The following ZNF480 variants were observed in gnomAD, a reference collection of about 807,000 sequenced individuals.
ZNF480 encodes the protein zinc finger protein 480.
In ZNF480, 15 loss-of-function variants were observed where a neutral mutation model predicts 14.4. The ratio of observed to expected loss-of-function variants is 1.04; its 90% confidence interval spans 0.70 to 1.60. ZNF480 has a LOEUF of 1.60. ZNF480 is among the 40% of genes most tolerant of loss of function. The probability of loss-of-function intolerance (pLI) is 0.00; values close to 1 mark genes in which losing one functional copy is unlikely to be tolerated. For synonymous variants in ZNF480, 218 were observed against 215.5 expected (o/e 1.01, Z -0.10); for missense variants, 593 against 629.7 (o/e 0.94, Z 0.62).
chr19:52,314,234 T>C lies in ZNF480; in HGVS notation c.154T>C (p.Tyr52His), dbSNP rs1983435600. Residue 52 changes from tyrosine to histidine, a missense_variant, in exon 3 of 5, where the codon TAC becomes CAC. Transcript: ENST00000595962. Reference sequence around the variant, plus strand: ...CCTGGACCCTGCACAGAGGGCTTTATACAAGGATGTGATGTTGGAGAACTA... The same window carrying C: ...CCTGGACCCTGCACAGAGGGCTTTACACAAGGATGTGATGTTGGAGAACTA... ...KCLDPAQRAL[Y>H]KDVMLENYRN... is the part of the protein sequence containing the mutation. 15 of 1,581,502 alleles carry C rather than the reference T, an allele frequency of 9.5e-6. No individual in the cohort carries two copies. Among genetic ancestry groups the C allele is most frequent in the Non-Finnish European group, 1.3e-5 (15 of 1,159,454 alleles).
In ZNF480 at chr19:52,322,880, C is replaced by T. The variant is rs755099693; in HGVS notation, c.*22C>T. 2.1e-5 allele frequency: 32 copies of T among 1,533,364 alleles called. No individual in the cohort carries two copies. The highest frequency in any genetic ancestry group is 1.8e-4 in the Admixed American group (9 of 49,948). 95.0% of individuals were successfully genotyped at this position (1,533,364 alleles called of 1,614,324 possible). On this transcript the variant is annotated 3_prime_UTR_variant, in exon 5 of 5. Coordinates refer to ENST00000595962, the MANE Select transcript of ZNF480 (RefSeq NM_144684.4). ...ATAGAAACTACAAATGCAACAAATG[C>T]GTCAAAGAATTTAGTGTGCACTCAA...
At chr19:52,299,533 A>G (rs1982583175) in intron 1 of ZNF480, among the ~76,000 whole-genome samples, 1 of 152,112 alleles carries the variant, frequency 6.6e-6, no homozygotes, top group African/African-American at 2.4e-5. Flanking sequence ...AGATTTTATT[A>G]ATTTGTTAGC....
chr19:52,316,084 T>C, intron 4 of ZNF480, 122 bp downstream of exon 4: 42 of 933,932 alleles, frequency 4.5e-5, no homozygotes, highest in Non-Finnish European at 5.4e-5. Context: ...TGAGATGGAG[T>C]TTCACTGTCA....
Position 52,322,783 on chromosome 19 carries a change from C to T in ZNF480, c.1533C>T (p.Tyr511=). 1 of 1,613,036 alleles carries T rather than the reference C, an allele frequency of 6.2e-7. No homozygotes were observed. Among genetic ancestry groups the T allele is most frequent in the South Asian group, 1.1e-5 (1 of 91,014 alleles). The part of the protein sequence containing the change: ...HRKIHTGEKP[Y]KCNECGKAFS... ...AAATTCATACTGGAGAGAAACCTTACAAATGTAATGAGTGTGGCAAGGCCT... is the reference window on the plus strand; with the variant it reads ...AAATTCATACTGGAGAGAAACCTTATAAATGTAATGAGTGTGGCAAGGCCT... Residue 511 remains tyrosine, a synonymous_variant, in exon 5 of 5, where the codon TAC becomes TAT. Transcript: ENST00000595962.
chr19:52,319,344 C>A (rs778974723), intron 4 of ZNF480, among the ~76,000 whole-genome samples: 9 of 152,120 alleles, frequency 5.9e-5, no homozygotes, highest in Non-Finnish European at 8.8e-5. Flanking sequence ...TTTATTTTTG[C>A]AGGTGACTTT....
At chr19:52,313,327 G>A (rs924529885) in intron 2 of ZNF480, among the ~76,000 whole-genome samples, 11 of 150,952 alleles carry the variant, frequency 7.3e-5, no homozygotes, top group Admixed American at 6.0e-4. Context: ...AATTAGAGAC[G>A]GGGTTTCACC....
At chr19:52,310,440 T>C (rs1351961244) in intron 2 of ZNF480, among the ~76,000 whole-genome samples, 1 of 152,126 alleles carries the variant, frequency 6.6e-6, no homozygotes, top group Admixed American at 6.6e-5. Flanking sequence ...TATACATTTT[T>C]AAATCCAGCT....
intron 2 of ZNF480, among the ~76,000 whole-genome samples, chr19:52,309,358 G>A (rs1442306441): frequency 6.6e-6 from 1 of 152,164 alleles, no homozygotes; most frequent in Non-Finnish European, 1.5e-5. Context: ...CTGCTGAGGA[G>A]TGTCCCTTTC....
At chr19:52,320,914 G>A (rs563300418) in intron 4 of ZNF480, among the ~76,000 whole-genome samples, 16 of 152,132 alleles carry the variant, frequency 1.1e-4, no homozygotes, top group Non-Finnish European at 2.4e-4. Flanking sequence ...GGAAGTAGAT[G>A]CTGCAGTGAG....
chr19:52,316,635 G>C (rs2122552070), intron 4 of ZNF480, among the ~76,000 whole-genome samples: 2 of 152,128 alleles, frequency 1.3e-5, no homozygotes, highest in South Asian at 4.2e-4. Context: ...TTACCGGCAT[G>C]AGCCATGATG....
At chr19:52,313,019 C>T (rs1983363398) in intron 2 of ZNF480, among the ~76,000 whole-genome samples, 1 of 152,044 alleles carries the variant, frequency 6.6e-6, no homozygotes. Flanking sequence ...TGGGGTTTCA[C>T]CATGTTGGCC....
At chr19:52,319,961 G>T (rs183240730) in intron 4 of ZNF480, among the ~76,000 whole-genome samples, 86 of 151,992 alleles carry the variant, frequency 5.7e-4, no homozygotes, top group Middle Eastern at 3.4e-3. Flanking sequence ...GGGATTACAG[G>T]TGCATGCCCC....
intron 4 of ZNF480, among the ~76,000 whole-genome samples, chr19:52,320,362 T>A (rs548086693): frequency 6.6e-6 from 1 of 152,300 alleles, no homozygotes; most frequent in East Asian, 1.9e-4. Flanking sequence ...GCTTTAAATA[T>A]TTGTCAAGGG....
chr19:52,321,611 G>A lies in ZNF480; in HGVS notation c.361G>A (p.Asp121Asn), dbSNP rs1983812918. 6.2e-7 allele frequency: 1 copy of A among 1,607,306 alleles called. No homozygotes were observed. Among genetic ancestry groups the A allele is most frequent in the Non-Finnish European group, 8.5e-7 (1 of 1,175,960 alleles). Residue 121 changes from aspartate to asparagine, a missense_variant, in exon 5 of 5, where the codon GAC becomes AAC. Transcript: ENST00000595962. ...CTATGCATTGGGAAGCAATGCAGAA[G>A]ACAAACCAATTAAAAAACAACTTGG... Reference protein sequence around the residue: ...SSYALGSNAEDKPIKKQLGVS... With the variant: ...SSYALGSNAENKPIKKQLGVS...
chr19:52,322,596 A>G lies in ZNF480; in HGVS notation c.1346A>G (p.His449Arg). 1 of 1,614,132 alleles carries G rather than the reference A, an allele frequency of 6.2e-7. No individual in the cohort carries two copies. Among genetic ancestry groups the G allele is most frequent in the Non-Finnish European group, 8.5e-7 (1 of 1,180,006 alleles). ...GGCCTTTCAGCCCATCTTGTAATCC[A>G]CACTGGAGAGAAGCCTTACAAATGT... is the stretch of plus-strand genomic sequence containing the variant. ...YSGLSAHLVI[H>R]TGEKPYKCSE... The change falls in exon 5 of 5, where the codon CAC becomes CGC. Residue 449 changes from histidine to arginine, a missense_variant. His to Arg is a conservative substitution (Grantham distance 29). Transcript: ENST00000595962.
Position 52,321,640 on chromosome 19 carries a change from A to G in ZNF480, c.390A>G (p.Val130=), listed in dbSNP as rs1296233281. The G allele has an allele frequency of 6.2e-7, 1 of 1,612,306 alleles. No homozygotes were observed. The highest frequency in any genetic ancestry group is 1.7e-5 in the Admixed American group (1 of 59,868). ...EDKPIKKQLG[V]SFHLHLSELE... ...AACCAATTAAAAAACAACTTGGAGT[A>G]TCCTTTCACTTACATCTGTCTGAAC... The change falls in exon 5 of 5, where the codon GTA becomes GTG. Residue 130 remains valine (V), a synonymous_variant. Transcript: ENST00000595962.
intron 3 of ZNF480, 151 bp downstream of exon 3, chr19:52,314,430 G>A (rs911743079): frequency 3.0e-6 from 1 of 330,292 alleles, no homozygotes; most frequent in African/African-American, 3.0e-5. Flanking sequence ...GGTGAGCCGA[G>A]ATCACGTCAT....
intron 4 of ZNF480, among the ~76,000 whole-genome samples, chr19:52,320,141 C>G (rs1040153535): frequency 1.3e-5 from 2 of 152,042 alleles, no homozygotes; most frequent in Non-Finnish European, 1.5e-5. Flanking sequence ...AATAACTGAC[C>G]TTTAAGTTTG....
intron 2 of ZNF480, among the ~76,000 whole-genome samples, chr19:52,310,799 GACCATCCTGGCTAACACAGTGAAACCCT>G (rs1363044209): frequency 6.6e-6 from 1 of 151,348 alleles, no homozygotes; most frequent in Non-Finnish European, 1.5e-5. Flanking sequence ...AGGAGATCGA[GACCATCCTGGCTAACACAGTGAAACCCT>G]GTCTCTACTA....
Sources: gnomAD v4.1 joint callset for allele counts (sites outside exome capture counted in the v4.1 genomes callset) on GRCh38, gnomAD v4.1.1 for gene constraint, MANE v1.5 for transcripts, NCBI Gene and HGNC (gene_info 2026-07-23, HGNC 2026-07-21) for gene names.